The following CCDC192 variants were observed in gnomAD, a reference collection of about 807,000 sequenced individuals.
CCDC192 encodes the protein coiled-coil domain-containing protein 192.
chr5:127,703,184 G>T (rs1750777143), upstream of CCDC192, among the ~76,000 whole-genome samples: 1 of 152,212 alleles, frequency 6.6e-6, no homozygotes, highest in Non-Finnish European at 1.5e-5. Context: ...CACTTTGAAT[G>T]AGTTTTCCAG....
chr5:127,894,391 C>T (rs1014739659), intron 6 of CCDC192, among the ~76,000 whole-genome samples: 2 of 151,890 alleles, frequency 1.3e-5, no homozygotes, highest in African/African-American at 2.4e-5. Context: ...ACAGGTTTCA[C>T]CATGTTGGCC....
At chr5:127,779,785 T>G (rs933843670) in intron 3 of CCDC192, among the ~76,000 whole-genome samples, 3 of 152,152 alleles carry the variant, frequency 2.0e-5, no homozygotes, top group African/African-American at 7.2e-5. Context: ...TTTGGTTACA[T>G]GAGTAAGTTC....
chr5:127,800,984 C>G (rs907677705), intron 5 of CCDC192, among the ~76,000 whole-genome samples: 25 of 152,144 alleles, frequency 1.6e-4, no homozygotes, highest in African/African-American at 5.8e-4. Context: ...CACAACCCCA[C>G]TCCCCGTTAC....
chr5:127,749,355 C>T (rs961303237), intron 2 of CCDC192, among the ~76,000 whole-genome samples: 3 of 152,156 alleles, frequency 2.0e-5, no homozygotes, highest in Non-Finnish European at 4.4e-5. Context: ...GCCTTTTCTG[C>T]ATCTATTGAG....
At chr5:127,793,683 AG>A (rs1293866284) in intron 3 of CCDC192, among the ~76,000 whole-genome samples, 1 of 152,230 alleles carries the variant, frequency 6.6e-6, no homozygotes, top group Non-Finnish European at 1.5e-5. Flanking sequence ...AATTGCTGAT[AG>A]GGTTTTGAGC....
chr5:127,818,159 C>G (rs1042551370), intron 5 of CCDC192, among the ~76,000 whole-genome samples: 1 of 152,078 alleles, frequency 6.6e-6, no homozygotes, highest in Non-Finnish European at 1.5e-5. Context: ...TTGCTTATAA[C>G]CTGCTTGCAC....
At chr5:127,832,987 G>C (rs1467248014) in intron 5 of CCDC192, among the ~76,000 whole-genome samples, 1 of 152,128 alleles carries the variant, frequency 6.6e-6, no homozygotes, top group East Asian at 1.9e-4. Context: ...TCTGCAGGCT[G>C]ATAGAATTTG....
chr5:127,895,749 G>T (rs1752862114), intron 6 of CCDC192, among the ~76,000 whole-genome samples: 1 of 151,888 alleles, frequency 6.6e-6, no homozygotes, highest in Non-Finnish European at 1.5e-5. Flanking sequence ...CTGAGGTGGG[G>T]GTATGACTTG....
intron 5 of CCDC192, among the ~76,000 whole-genome samples, chr5:127,804,181 T>G (rs1277179314): frequency 6.6e-6 from 1 of 152,256 alleles, no homozygotes. Flanking sequence ...AATTGACTTG[T>G]TCTTACCATA....
At chr5:127,852,734 A>G (rs1389784297) in intron 5 of CCDC192, among the ~76,000 whole-genome samples, 1 of 152,174 alleles carries the variant, frequency 6.6e-6, no homozygotes, top group African/African-American at 2.4e-5. Context: ...CTGTTTGGCA[A>G]CTATCATCAG....
At chr5:127,879,186 A>G (rs11505137) in intron 6 of CCDC192, among the ~76,000 whole-genome samples, 1 of 152,238 alleles carries the variant, frequency 6.6e-6, no homozygotes, top group African/African-American at 2.4e-5. Context: ...ACTTCAAACT[A>G]TACTACAAGG....
chr5:127,791,709 C>T (rs1170572382), intron 3 of CCDC192, among the ~76,000 whole-genome samples: 2 of 152,192 alleles, frequency 1.3e-5, no homozygotes, highest in Non-Finnish European at 2.9e-5. Flanking sequence ...CAGTCTTCAA[C>T]AAGCAGCAAC....
chr5:127,716,787 T>C (rs1751645827), intron 2 of CCDC192, among the ~76,000 whole-genome samples: 1 of 152,164 alleles, frequency 6.6e-6, no homozygotes, highest in South Asian at 2.1e-4. Flanking sequence ...AGATGTGACC[T>C]CCTTGCTTTG....
Position 127,941,400 on chromosome 5 carries a change from T to A in CCDC192, c.754T>A (p.Cys252Ser). 2 of 399,080 alleles carry A rather than the reference T, an allele frequency of 5.0e-6. No homozygotes were observed. The highest frequency in any genetic ancestry group is 8.8e-6 in the Non-Finnish European group (2 of 226,066). The allele number at this position is 399,080 out of a possible 1,614,324, so 24.7% of individuals were successfully genotyped here. A position where few individuals can be genotyped will look rare whatever the true frequency, so the allele number is the denominator to read the frequency against. ...PPQEVKDPPGCLPEAPVFSTH... is the reference protein window; with the variant it reads ...PPQEVKDPPGSLPEAPVFSTH... The stretch of plus-strand genomic sequence containing the variant: ...CCAAGAGGTCAAGGACCCTCCAGGA[T>A]GTTTACCAGAAGCCCCAGTTTTCTC... Residue 252 changes from cysteine to serine, a missense_variant, in exon 7 of 7, where the codon TGT becomes AGT. Transcript: ENST00000514853.
At chr5:127,713,894 G>A (rs111316202) in intron 2 of CCDC192, among the ~76,000 whole-genome samples, 23 of 152,202 alleles carry the variant, frequency 1.5e-4, no homozygotes, top group East Asian at 1.3e-3. Context: ...TGAAATATAC[G>A]TATTATTGTT....
At chr5:127,702,931 G>T (rs559339789), upstream of CCDC192, among the ~76,000 whole-genome samples, 7 of 152,338 alleles carry the variant, frequency 4.6e-5, no homozygotes, top group South Asian at 1.4e-3. Context: ...GTGCAATCCT[G>T]TGTTAGGAAA....
At chr5:127,744,518 A>T (rs1197624065) in intron 2 of CCDC192, among the ~76,000 whole-genome samples, 2 of 152,220 alleles carry the variant, frequency 1.3e-5, no homozygotes, top group African/African-American at 4.8e-5. Context: ...AGAGAAACTG[A>T]ATTCTCCAAA....
chr5:127,753,607 G>T (rs1478626619), intron 2 of CCDC192, among the ~76,000 whole-genome samples: 1 of 151,402 alleles, frequency 6.6e-6, no homozygotes, highest in Non-Finnish European at 1.5e-5. Context: ...AGAATCGCTT[G>T]AACCCAGGAG....
intron 6 of CCDC192, among the ~76,000 whole-genome samples, chr5:127,936,283 G>T (rs1369018329): frequency 6.6e-6 from 1 of 152,092 alleles, no homozygotes; most frequent in Non-Finnish European, 1.5e-5. Flanking sequence ...AGTCATTTTT[G>T]ATGTAACTTT....
Sources: gnomAD v4.1 joint callset for allele counts (sites outside exome capture counted in the v4.1 genomes callset) on GRCh38, gnomAD v4.1.1 for gene constraint, MANE v1.5 for transcripts, NCBI Gene and HGNC (gene_info 2026-07-23, HGNC 2026-07-21) for gene names.